GTF2IRD2: variants seen among roughly 807,000 people sequenced by gnomAD.
The protein encoded by GTF2IRD2 is general transcription factor II-I repeat domain-containing protein 2A.
In GTF2IRD2, 8 loss-of-function variants were observed where a neutral mutation model predicts 49.2. That is an observed-to-expected ratio of 0.16 (90% CI 0.10 to 0.29). GTF2IRD2 has a LOEUF of 0.29. GTF2IRD2 is among the 10% of genes least tolerant of loss of function. GTF2IRD2 has a pLI of 1.00. For missense variants in GTF2IRD2, 130 were observed against 725.7 expected, an observed-to-expected ratio of 0.18 and a Z score of 9.43; for synonymous variants, 47 against 289.7, an observed-to-expected ratio of 0.16 and a Z score of 8.51.
intron 1 of GTF2IRD2, among the ~76,000 whole-genome samples, chr7:74,839,355 G>A (rs587759844): frequency 1.6e-4 from 6 of 37,614 alleles, no homozygotes; most frequent in Admixed American, 3.8e-4. Context: ...GCCATGAGAC[G>A]CGTAGGTCCT....
Position 74,826,020 on chromosome 7 carries a change from C to T in GTF2IRD2, c.239-968G>A, listed in dbSNP as rs1460370103. Among the ~76,000 whole-genome samples the T allele has an allele frequency of 2.6e-5, 4 of 151,608 alleles. No individual in the cohort carries two copies. In the East Asian group the frequency reaches 7.8e-4, roughly 30 times the overall value. On this transcript the variant is annotated intron_variant, in intron 3 of 15. Transcript: ENST00000451013. ...CAGAATGGTCTCGATCTCCTGACCTCGTGATCCGCCTGCCTCGGCCTCCCA... is the reference window on the plus strand; with the variant it reads ...CAGAATGGTCTCGATCTCCTGACCTTGTGATCCGCCTGCCTCGGCCTCCCA...
chr7:74,824,024 G>GGT (rs1799152251), intron 4 of GTF2IRD2, among the ~76,000 whole-genome samples: 21 of 97,508 alleles, frequency 2.2e-4, no homozygotes, highest in African/African-American at 6.3e-4. Flanking sequence ...AAGTTAGCCG[G>GGT]GCACGGTGGC....
intron 3 of GTF2IRD2, among the ~76,000 whole-genome samples, chr7:74,829,887 CAA>C (rs1554420189): frequency 8.4e-5 from 5 of 59,820 alleles, no homozygotes; most frequent in Admixed American, 4.3e-4. Context: ...GATTCTGTCT[CAA>C]AAAAAAAAAA....
chr7:74,800,275 C>G (rs868936437), intron 15 of GTF2IRD2, among the ~76,000 whole-genome samples: 67 of 140,106 alleles, frequency 4.8e-4, no homozygotes, highest in Admixed American at 3.0e-3. Flanking sequence ...TGCAGTGGCA[C>G]GATCTCGGCT....
intron 2 of GTF2IRD2, among the ~76,000 whole-genome samples, chr7:74,834,233 CTTTT>C (rs1212104357): frequency 2.1e-5 from 2 of 96,646 alleles, no homozygotes; most frequent in Non-Finnish European, 3.8e-5. Flanking sequence ...TTTATTTTTC[CTTTT>C]TTTTTTTTTT....
intron 3 of GTF2IRD2, among the ~76,000 whole-genome samples, chr7:74,831,200 A>ATC (rs1177649282): frequency 4.3e-4 from 62 of 143,886 alleles, no homozygotes; most frequent in Non-Finnish European, 6.7e-4. Context: ...CCCCTCTCTC[A>ATC]TCTCTCTCTC....
rs2131832363 is a variant in GTF2IRD2, at chr7:74,846,456, G to T, written c.-6+4911C>A. ...CTACAGCTGCTTTCCTGCAAAGGAAGGTTTGCATGCATGTGACAAAGACCC... is the reference window on the plus strand; with the variant it reads ...CTACAGCTGCTTTCCTGCAAAGGAATGTTTGCATGCATGTGACAAAGACCC... On this transcript the variant is annotated intron_variant, in intron 1 of 15. Coordinates refer to ENST00000451013, the MANE Select transcript of GTF2IRD2 (RefSeq NM_173537.5). Among the ~76,000 whole-genome samples, 2 of 136,930 alleles carry T rather than the reference G, an allele frequency of 1.5e-5. 1 individual carries two copies. The highest frequency in any genetic ancestry group is 8.2e-3 in the Middle Eastern group (2 of 244). The allele number at this position is 136,930 out of a possible 152,430, so 89.8% of individuals were successfully genotyped here.
intron 3 of GTF2IRD2, among the ~76,000 whole-genome samples, chr7:74,829,811 C>T (rs1452404607): frequency 1.3e-5 from 2 of 149,606 alleles, no homozygotes; most frequent in East Asian, 2.0e-4. Flanking sequence ...TGGCTTGAAC[C>T]GAGGAGGCAG....
At chr7:74,798,441 A>T (rs1797197190) in intron 15 of GTF2IRD2, among the ~76,000 whole-genome samples, 176 bp from the exon 16 acceptor site, 1 of 151,728 alleles carries the variant, frequency 6.6e-6, no homozygotes, top group Non-Finnish European at 1.5e-5. Context: ...AACTCCAGCA[A>T]ACCGCTGCCA....
At chr7:74,815,797 GGAAAGAAAGAAAGAAA>G (rs1189790776) in intron 8 of GTF2IRD2, among the ~76,000 whole-genome samples, 2,376 of 45,152 alleles carry the variant, frequency 0.053, 4 homozygotes, top group Non-Finnish European at 0.067. Context: ...AAAGAAAGAA[GGAAAGAAAGAAAGAAA>G]GAAAGAAAGA....
intron 10 of GTF2IRD2, among the ~76,000 whole-genome samples, chr7:74,809,857 G>T (rs1210354975): frequency 8.9e-6 from 1 of 112,554 alleles, no homozygotes; most frequent in Admixed American, 9.8e-5. Flanking sequence ...GGAATGGTGC[G>T]ATTTCGGCTC....
chr7:74,834,655 G>A (rs1584402436), intron 2 of GTF2IRD2, among the ~76,000 whole-genome samples: 2 of 104,710 alleles, frequency 1.9e-5, no homozygotes, highest in Non-Finnish European at 3.4e-5. Context: ...TTACGGGCGT[G>A]AGCCACCCTG....
At chr7:74,818,938 T>TG (rs1486028899) in intron 8 of GTF2IRD2, 2 of 151,362 alleles carry the variant, frequency 1.3e-5, no homozygotes, top group African/African-American at 4.9e-5. Context: ...TTTTTGTTTT[T>TG]TTTTGACACA....
intron 5 of GTF2IRD2, 73 bp downstream of exon 5, chr7:74,822,551 C>T (rs1799004875): frequency 5.1e-6 from 3 of 585,788 alleles, no homozygotes; most frequent in East Asian, 5.8e-5. Flanking sequence ...GCGGGATGCA[C>T]GAGTGAATTA....
At chr7:74,842,084 A>G (rs1417659633) in intron 1 of GTF2IRD2, among the ~76,000 whole-genome samples, 1 of 86,400 alleles carries the variant, frequency 1.2e-5, no homozygotes, top group Non-Finnish European at 2.1e-5. Flanking sequence ...AGATCCCACC[A>G]CTGCACTCCA....
At chr7:74,815,528 AT>A in intron 8 of GTF2IRD2, among the ~76,000 whole-genome samples, 1 of 102,966 alleles carries the variant, frequency 9.7e-6, no homozygotes, top group Non-Finnish European at 2.1e-5. Context: ...AGGAGGGTGG[AT>A]TACCTGAGTT....
intron 8 of GTF2IRD2, among the ~76,000 whole-genome samples, chr7:74,813,800 AC>A (rs1431586629): frequency 7.3e-6 from 1 of 137,600 alleles, no homozygotes; most frequent in Non-Finnish European, 1.6e-5. Context: ...CAGGTGATCC[AC>A]CCACCCACCT....
chr7:74,815,809 A>G (rs1554418105), intron 8 of GTF2IRD2, among the ~76,000 whole-genome samples: 1 of 86,024 alleles, frequency 1.2e-5, no homozygotes, highest in South Asian at 3.8e-4. Flanking sequence ...AAAGAAAGAA[A>G]GAAAGAAAGA....
At chr7:74,800,374 G>A (rs2529331) in intron 15 of GTF2IRD2, among the ~76,000 whole-genome samples, 15,510 of 131,166 alleles carry the variant, frequency 0.12, 2,523 homozygotes, top group African/African-American at 0.39. Context: ...CACCATGCCC[G>A]ACTAATTTTT....
Sources: gnomAD v4.1 joint callset for allele counts (sites outside exome capture counted in the v4.1 genomes callset) on GRCh38, gnomAD v4.1.1 for gene constraint, MANE v1.5 for transcripts, NCBI Gene and HGNC (gene_info 2026-07-23, HGNC 2026-07-21) for gene names.